Variants in ROR1 observed in about 807,000 individuals in gnomAD.
The protein encoded by ROR1 is inactive tyrosine-protein kinase transmembrane receptor ROR1.
In ROR1, 19 loss-of-function variants were observed where a neutral mutation model predicts 78.8. The ratio of observed to expected loss-of-function variants is 0.24; its 90% confidence interval spans 0.17 to 0.35. The LOEUF (loss-of-function observed/expected upper bound fraction) is 0.35. Ranked by LOEUF, ROR1 falls within the 10% of genes least tolerant of loss-of-function variation. The pLI, the probability that ROR1 is intolerant of heterozygous loss-of-function variation, is 1.00. For synonymous variants in ROR1, 386 were observed against 433.6 expected, an observed-to-expected ratio of 0.89 and a Z score of 1.36; for missense variants, 917 against 1,177.8, an observed-to-expected ratio of 0.78 and a Z score of 3.24.
intron 8 of ROR1, among the ~76,000 whole-genome samples, chr1:64,169,050 T>C (rs943388149): frequency 7.9e-5 from 12 of 152,260 alleles, no homozygotes; most frequent in African/African-American, 2.4e-5. Flanking sequence ...CCTGCTCTGA[T>C]GTAGACTATG....
At chr1:64,137,568 C>T (rs1212651498) in intron 5 of ROR1, 72 bp downstream of exon 5, 2 of 1,453,242 alleles carry the variant, frequency 1.4e-6, no homozygotes, top group African/African-American at 1.4e-5. Flanking sequence ...TTATTGAGCT[C>T]CTCTCTTGAC....
At chr1:63,874,144 G>C (rs905469158) in intron 1 of ROR1, among the ~76,000 whole-genome samples, 7 of 152,138 alleles carry the variant, frequency 4.6e-5, no homozygotes, top group African/African-American at 1.7e-4. Context: ...AAATTAATGA[G>C]AGAGGAACTT....
intron 7 of ROR1, among the ~76,000 whole-genome samples, chr1:64,152,150 A>T (rs1043196297): frequency 4.6e-5 from 7 of 152,216 alleles, no homozygotes; most frequent in African/African-American, 9.6e-5. Context: ...CCAATTTTTT[A>T]AAAAACCTAA....
At chr1:63,903,582 C>T (rs1388318438) in intron 1 of ROR1, among the ~76,000 whole-genome samples, 1 of 152,144 alleles carries the variant, frequency 6.6e-6, no homozygotes, top group Non-Finnish European at 1.5e-5. Flanking sequence ...TTTCCACCCT[C>T]CCATCATTTC....
intron 1 of ROR1, among the ~76,000 whole-genome samples, chr1:63,786,016 A>G (rs1473872888): frequency 6.6e-6 from 1 of 151,992 alleles, no homozygotes; most frequent in Non-Finnish European, 1.5e-5. Flanking sequence ...GGGACACGTG[A>G]TAACTAATGT....
chr1:63,899,824 T>G lies in ROR1; in HGVS notation c.92-109481T>G, dbSNP rs75746028. Among the ~76,000 whole-genome samples the G allele has an allele frequency of 2.7e-4, 41 of 151,954 alleles. No homozygotes were observed. The East Asian group carries it at 8.0e-3, about 30-fold the overall frequency. The stretch of plus-strand genomic sequence containing the variant: ...TTGGACAATGCAGTTTTGGTAAAGT[T>G]GCTAAAACCATAACTGTTACTCTTG... On this transcript the variant is annotated intron_variant, in intron 1 of 8. Transcript: ENST00000371079.
chr1:64,111,556 T>C (rs1429712415), intron 4 of ROR1, among the ~76,000 whole-genome samples: 1 of 152,188 alleles, frequency 6.6e-6, no homozygotes, highest in Non-Finnish European at 1.5e-5. Flanking sequence ...CCACAGCTAC[T>C]AGTCATCTTC....
At chr1:64,083,565 A>T (rs1647122047) in intron 4 of ROR1, among the ~76,000 whole-genome samples, 1 of 118,686 alleles carries the variant, frequency 8.4e-6, no homozygotes, top group Admixed American at 8.2e-5. Context: ...TTTCCAGAAG[A>T]GGGCTTTAAA....
chr1:63,927,459 G>T, intron 1 of ROR1, among the ~76,000 whole-genome samples: 1 of 147,968 alleles, frequency 6.8e-6, no homozygotes, highest in Admixed American at 6.8e-5. Flanking sequence ...AAGGATATTG[G>T]TCTAAAATTC....
At position 64,025,517 on chromosome 1, in the gene ROR1, G is replaced by A. The variant is rs529310845; in HGVS notation, c.163+16141G>A. On this transcript the variant is annotated intron_variant, in intron 2 of 8. Transcript: ENST00000371079. The stretch of plus-strand genomic sequence containing the variant: ...ACACATATTTATAGCAGCACAATTT[G>A]CTGTTGCAAAAAATGTGGTATCAGT... 2.4e-3 allele frequency among the ~76,000 whole-genome samples: 362 copies of A among 152,132 alleles called. 2 individuals carry two copies. Among genetic ancestry groups the A allele is most frequent in the Non-Finnish European group, 2.8e-3 (189 of 68,004 alleles).
intron 4 of ROR1, among the ~76,000 whole-genome samples, chr1:64,085,256 T>C (rs1486953088): frequency 2.0e-5 from 3 of 152,168 alleles, no homozygotes; most frequent in Non-Finnish European, 2.9e-5. Flanking sequence ...TTCCAGACTT[T>C]CCAGAGTCAT....
At chr1:63,833,783 C>A (rs908651495) in intron 1 of ROR1, among the ~76,000 whole-genome samples, 3 of 151,490 alleles carry the variant, frequency 2.0e-5, no homozygotes, top group African/African-American at 7.3e-5. Context: ...TGCCTGCTTG[C>A]GTTTTTTTTT....
intron 7 of ROR1, among the ~76,000 whole-genome samples, chr1:64,154,951 C>G (rs1649731367): frequency 6.6e-6 from 1 of 152,104 alleles, no homozygotes; most frequent in South Asian, 2.1e-4. Context: ...ATGATTCCCA[C>G]CAGATATTAG....
At chr1:64,134,793 G>T (rs1649045437) in intron 4 of ROR1, among the ~76,000 whole-genome samples, 1 of 146,190 alleles carries the variant, frequency 6.8e-6, no homozygotes, top group African/African-American at 2.5e-5. Context: ...CTGTCACCCA[G>T]GCTGGAGTGA....
chr1:64,134,609 C>T (rs973589077), intron 4 of ROR1, among the ~76,000 whole-genome samples: 1 of 152,118 alleles, frequency 6.6e-6, no homozygotes, highest in African/African-American at 2.4e-5. Context: ...TTGTGGTTCT[C>T]AACCACATTC....
At position 64,179,730 on chromosome 1, in the gene ROR1, C is replaced by G. The variant is rs1557687273; in HGVS notation, c.*875C>G. 1 of 152,130 alleles carries G rather than the reference C, an allele frequency of 6.6e-6. No individual in the cohort carries two copies. Among genetic ancestry groups the G allele is most frequent in the African/African-American group, 2.4e-5 (1 of 41,426 alleles). 9.4% of individuals were successfully genotyped at this position (152,130 alleles called of 1,614,324 possible). ...AAAGGAAAAAGGGTTCCCATGGGGACAGCCCCCATAGGAGTTTTCTGGAAC... is the reference window on the plus strand; with the variant it reads ...AAAGGAAAAAGGGTTCCCATGGGGAGAGCCCCCATAGGAGTTTTCTGGAAC... On this transcript the variant is annotated 3_prime_UTR_variant, in exon 9 of 9. Coordinates refer to ENST00000371079, the MANE Select transcript of ROR1 (RefSeq NM_005012.4).
chr1:64,142,014 A>G (rs1036077481), intron 6 of ROR1, among the ~76,000 whole-genome samples: 2 of 152,166 alleles, frequency 1.3e-5, no homozygotes, highest in African/African-American at 4.8e-5. Context: ...TCCTTATTAC[A>G]TGATTTCATG....
chr1:63,864,639 G>A (rs1363363708), intron 1 of ROR1, among the ~76,000 whole-genome samples: 1 of 152,050 alleles, frequency 6.6e-6, no homozygotes, highest in Non-Finnish European at 1.5e-5. Flanking sequence ...TTCTGGGCTG[G>A]GAATTAGGAT....
intron 4 of ROR1, chr1:64,106,890 T>C (rs1461018012): frequency 1.3e-5 from 2 of 152,230 alleles, no homozygotes; most frequent in Non-Finnish European, 2.9e-5. Flanking sequence ...TCACTTTGTT[T>C]TCCTCGTTAT....
Sources: allele counts gnomAD v4.1 joint callset (sites outside exome capture counted in the v4.1 genomes callset), GRCh38; gene constraint gnomAD v4.1.1; transcripts MANE v1.5; gene names NCBI Gene and HGNC (gene_info 2026-07-23, HGNC 2026-07-21).